TNFSF15: variants seen among roughly 807,000 people sequenced by gnomAD.
TNFSF15 encodes TNF superfamily member 15.
In TNFSF15, 15 loss-of-function variants were observed where a neutral mutation model predicts 26.4. That is an observed-to-expected ratio of 0.57 (90% CI 0.38 to 0.87). The LOEUF is 0.87. Among genes scored for constraint, TNFSF15 ranks in the 40% least tolerant of loss-of-function variants. The probability of loss-of-function intolerance (pLI) is 0.00; values close to 1 mark genes in which losing one functional copy is unlikely to be tolerated. For synonymous variants in TNFSF15, 116 were observed against 115.0 expected, an observed-to-expected ratio of 1.01 and a Z score of -0.06; for missense variants, 290 against 306.1, an observed-to-expected ratio of 0.95 and a Z score of 0.39.
intron 1 of TNFSF15, among the ~76,000 whole-genome samples, chr9:114,804,819 T>C (rs1378708853): frequency 6.6e-6 from 1 of 152,242 alleles, no homozygotes; most frequent in Non-Finnish European, 1.5e-5. Context: ...TTACTTGTGG[T>C]GTCTATGCTT....
At chr9:114,798,238 T>C (rs571571398) in intron 1 of TNFSF15, among the ~76,000 whole-genome samples, 3 of 152,286 alleles carry the variant, frequency 2.0e-5, no homozygotes, top group African/African-American at 7.2e-5. Context: ...TCCATAAGCA[T>C]GCATCTTAGA....
In TNFSF15 at chr9:114,784,905, T is replaced by C. The variant is rs1484334380; in HGVS notation, c.*5547A>G. 6.7e-6 allele frequency: 1 copy of C among 149,218 alleles called. No individual in the cohort carries two copies. Among genetic ancestry groups the C allele is most frequent in the East Asian group, 1.9e-4 (1 of 5,202 alleles). The allele number at this position is 149,218 out of a possible 1,614,324, so 9.2% of individuals were successfully genotyped here. On this transcript the variant is annotated 3_prime_UTR_variant, in exon 4 of 4. Transcript: ENST00000374045. ...TAAACACCTACACTTCTTCAATCTG[T>C]ACACCCCTGAAACAAAAAAAGGGGA...
At chr9:114,790,996 A>G in intron 3 of TNFSF15, 90 bp from the exon 4 acceptor site, 1 of 1,313,992 alleles carries the variant, frequency 7.6e-7, no homozygotes, top group Non-Finnish European at 1.1e-6. Context: ...AAAATAGACT[A>G]AAGTGATCGA....
At chr9:114,802,322 A>G (rs763576760) in intron 1 of TNFSF15, among the ~76,000 whole-genome samples, 1 of 152,116 alleles carries the variant, frequency 6.6e-6, no homozygotes, top group Non-Finnish European at 1.5e-5. Flanking sequence ...GCGTGATCTC[A>G]GCTCACTGCA....
At chr9:114,796,124 C>G (rs1272842403) in intron 1 of TNFSF15, among the ~76,000 whole-genome samples, 3 of 152,028 alleles carry the variant, frequency 2.0e-5, no homozygotes, top group African/African-American at 7.2e-5. Flanking sequence ...TTTTTTTCTT[C>G]TTCTGCAAAA....
chr9:114,801,353 AGCT>A (rs1829745263), intron 1 of TNFSF15, among the ~76,000 whole-genome samples: 2 of 152,196 alleles, frequency 1.3e-5, no homozygotes, highest in Non-Finnish European at 2.9e-5. Flanking sequence ...TGTCAAGTGC[AGCT>A]GGGTAAAAAA....
At chr9:114,794,367 TGCTCTTA>T (rs1829649345) in intron 1 of TNFSF15, among the ~76,000 whole-genome samples, 1 of 152,354 alleles carries the variant, frequency 6.6e-6, no homozygotes, top group Non-Finnish European at 1.5e-5. Context: ...AGCAAAAGTA[TGCTCTTA>T]GCTTACAAAT....
chr9:114,801,983 A>G (rs1208097318), intron 1 of TNFSF15, among the ~76,000 whole-genome samples: 1 of 152,218 alleles, frequency 6.6e-6, no homozygotes, highest in Non-Finnish European at 1.5e-5. Flanking sequence ...AAATATGTTC[A>G]TATAGGTAAA....
intron 3 of TNFSF15, chr9:114,791,190 G>A (rs1040075856): frequency 1.4e-5 from 8 of 561,954 alleles, no homozygotes; most frequent in African/African-American, 3.8e-5. Flanking sequence ...TATGATCCTG[G>A]AGAACAATGA....
intron 1 of TNFSF15, among the ~76,000 whole-genome samples, chr9:114,800,835 C>T (rs781580612): frequency 1.2e-4 from 19 of 152,148 alleles, no homozygotes; most frequent in Non-Finnish European, 2.4e-4. Context: ...AGCTGTGATG[C>T]GGTGGAGCCA....
At chr9:114,795,787 C>G (rs1167174687) in intron 1 of TNFSF15, among the ~76,000 whole-genome samples, 2 of 152,200 alleles carry the variant, frequency 1.3e-5, no homozygotes, top group Non-Finnish European at 2.9e-5. Flanking sequence ...GTTTTAGCAT[C>G]TGTACACGTG....
intron 1 of TNFSF15, among the ~76,000 whole-genome samples, chr9:114,794,410 A>G (rs924331683): frequency 6.6e-6 from 1 of 152,216 alleles, no homozygotes; most frequent in Non-Finnish European, 1.5e-5. Context: ...ACTATTATAC[A>G]TGGTTGGTGG....
intron 1 of TNFSF15, among the ~76,000 whole-genome samples, chr9:114,801,212 G>A (rs1005073513): frequency 6.6e-6 from 1 of 152,188 alleles, no homozygotes; most frequent in African/African-American, 2.4e-5. Flanking sequence ...CAGACTTTGT[G>A]TGCCAGAGCT....
chr9:114,802,959 C>T (rs1829767906), intron 1 of TNFSF15, among the ~76,000 whole-genome samples: 1 of 152,052 alleles, frequency 6.6e-6, no homozygotes, highest in African/African-American at 2.4e-5. Context: ...CCTCAGTGTC[C>T]CTATGTGCAA....
chr9:114,793,992 T>A (rs1233234411), intron 1 of TNFSF15, among the ~76,000 whole-genome samples: 2 of 152,234 alleles, frequency 1.3e-5, no homozygotes, highest in East Asian at 3.8e-4. Flanking sequence ...TATGTTCTCC[T>A]TTTCATCAGC....
chr9:114,787,147 T>G lies in TNFSF15; in HGVS notation c.*3305A>C, dbSNP rs1397766141. 1 of 152,126 alleles carries G rather than the reference T, an allele frequency of 6.6e-6. No homozygotes were observed. The highest frequency in any genetic ancestry group is 1.5e-5 in the Non-Finnish European group (1 of 68,028). 9.4% of individuals were successfully genotyped at this position (152,126 alleles called of 1,614,324 possible). Reference sequence around the variant, plus strand: ...CTTGAATATAGCAAATAATAACCTGTCTCTACATGTAGTTTAAATAATGGA... The same window carrying G: ...CTTGAATATAGCAAATAATAACCTGGCTCTACATGTAGTTTAAATAATGGA... On this transcript the variant is annotated 3_prime_UTR_variant, in exon 4 of 4. Coordinates refer to ENST00000374045, the MANE Select transcript of TNFSF15 (RefSeq NM_005118.4).
At chr9:114,796,323 A>G (rs1829671651) in intron 1 of TNFSF15, among the ~76,000 whole-genome samples, 1 of 152,166 alleles carries the variant, frequency 6.6e-6, no homozygotes, top group African/African-American at 2.4e-5. Context: ...TTATCTAGAT[A>G]CTACACTGCT....
At chr9:114,792,201 G>A in intron 3 of TNFSF15, 1 of 588,068 alleles carries the variant, frequency 1.7e-6, no homozygotes, top group South Asian at 2.8e-5. Flanking sequence ...AAACGTGTGT[G>A]TGTGTGTATA....
intron 1 of TNFSF15, among the ~76,000 whole-genome samples, chr9:114,803,709 C>T (rs1009215837): frequency 1.3e-5 from 2 of 152,144 alleles, no homozygotes; most frequent in Non-Finnish European, 2.9e-5. Context: ...GTCAGCATTC[C>T]CTCCTTCCTT....
Sources: allele counts gnomAD v4.1 joint callset (sites outside exome capture counted in the v4.1 genomes callset), GRCh38; gene constraint gnomAD v4.1.1; transcripts MANE v1.5; gene names NCBI Gene and HGNC (gene_info 2026-07-23, HGNC 2026-07-21).